The following INPP4B variants were observed in gnomAD, a reference collection of about 807,000 sequenced individuals.
The protein encoded by INPP4B is inositol polyphosphate-4-phosphatase type II B.
INPP4B carries 55 observed loss-of-function variants against 122.5 expected under a neutral mutation model. The observed-to-expected ratio is 0.45, with a 90% CI of 0.36 to 0.56. The LOEUF (loss-of-function observed/expected upper bound fraction) is 0.56. INPP4B is among the 20% of genes least tolerant of loss of function. The probability of loss-of-function intolerance (pLI) is 0.00; values close to 1 mark genes in which losing one functional copy is unlikely to be tolerated. For synonymous variants in INPP4B, 403 were observed against 388.7 expected (o/e 1.04, Z -0.43); for missense variants, 1,000 against 1,097.7 (o/e 0.91, Z 1.26).
chr4:142,412,784 TA>T (rs1021967305), intron 5 of INPP4B, among the ~76,000 whole-genome samples: 2 of 152,206 alleles, frequency 1.3e-5, no homozygotes, highest in African/African-American at 4.8e-5. Context: ...GCCTGCTTTT[TA>T]TAATTTTCCT....
intron 25 of INPP4B, among the ~76,000 whole-genome samples, chr4:142,042,949 G>T (rs2667093): frequency 0.7 from 106,292 of 152,018 alleles, 39,766 homozygotes; most frequent in Non-Finnish European, 0.83. Context: ...TGGATGGAGC[G>T]AACTATGAAC....
At chr4:142,574,327 A>G (rs2150172031) in intron 2 of INPP4B, among the ~76,000 whole-genome samples, 1 of 152,166 alleles carries the variant, frequency 6.6e-6, no homozygotes, top group African/African-American at 2.4e-5. Flanking sequence ...AAAATCTCTG[A>G]CAATCCTCTA....
chr4:142,300,382 G>A (rs1263116688), intron 9 of INPP4B, among the ~76,000 whole-genome samples: 1 of 152,106 alleles, frequency 6.6e-6, no homozygotes, highest in Non-Finnish European at 1.5e-5. Context: ...GAATTTTGTT[G>A]TTGTTGTTGT....
intron 25 of INPP4B, among the ~76,000 whole-genome samples, chr4:142,064,963 CAG>C (rs895675799): frequency 6.6e-6 from 1 of 151,988 alleles, no homozygotes; most frequent in African/African-American, 2.4e-5. Context: ...TGTAAGAAAA[CAG>C]ATATTTTGCA....
intron 1 of INPP4B, among the ~76,000 whole-genome samples, chr4:142,735,355 A>T (rs1766702989): frequency 6.6e-6 from 1 of 152,134 alleles, no homozygotes; most frequent in Non-Finnish European, 1.5e-5. Context: ...TAGTGTCTTA[A>T]ATTTAAGTAT....
At chr4:142,152,228 C>T (rs964112093) in intron 17 of INPP4B, among the ~76,000 whole-genome samples, 17 of 151,798 alleles carry the variant, frequency 1.1e-4, no homozygotes, top group African/African-American at 4.1e-4. Flanking sequence ...GCGCCCACCA[C>T]CACACCCGGC....
chr4:142,451,246 GTT>G (rs758479962), intron 3 of INPP4B, among the ~76,000 whole-genome samples: 12 of 97,722 alleles, frequency 1.2e-4, no homozygotes, highest in East Asian at 3.0e-4. Flanking sequence ...TGTTGCTGTT[GTT>G]TTTTTTTTTT....
intron 5 of INPP4B, among the ~76,000 whole-genome samples, chr4:142,408,413 C>CATG (rs1296933243): frequency 1.5e-4 from 23 of 152,110 alleles, no homozygotes; most frequent in Non-Finnish European, 2.6e-4. Context: ...ATTAGCTGGG[C>CATG]GTGGTGGCAC....
chr4:142,335,132 A>G (rs1776149371), intron 7 of INPP4B, among the ~76,000 whole-genome samples: 1 of 144,082 alleles, frequency 6.9e-6, no homozygotes, highest in African/African-American at 2.5e-5. Context: ...AAAAAAAAAA[A>G]GTCTGAGTAT....
At chr4:142,052,573 T>A (rs948796164) in intron 25 of INPP4B, among the ~76,000 whole-genome samples, 1 of 152,032 alleles carries the variant, frequency 6.6e-6, no homozygotes, top group African/African-American at 2.4e-5. Context: ...TTTTGTATAG[T>A]CATTTTAGAG....
At chr4:142,245,104 T>C (rs1727260359) in intron 11 of INPP4B, among the ~76,000 whole-genome samples, 1 of 152,220 alleles carries the variant, frequency 6.6e-6, no homozygotes, top group Admixed American at 6.5e-5. Context: ...AAGTTCCTTG[T>C]AGATTCTGGA....
intron 1 of INPP4B, among the ~76,000 whole-genome samples, chr4:142,727,353 G>A (rs1325163732): frequency 6.6e-6 from 1 of 152,138 alleles, no homozygotes; most frequent in Admixed American, 6.6e-5. Flanking sequence ...ATCTAATTCA[G>A]AAAACACCTG....
At chr4:142,446,540 C>A (rs931542236) in intron 3 of INPP4B, among the ~76,000 whole-genome samples, 2 of 152,060 alleles carry the variant, frequency 1.3e-5, no homozygotes, top group Admixed American at 6.6e-5. Context: ...TAAACTCTTA[C>A]AAATGCATAT....
chr4:142,281,173 C>T (rs895398686), intron 9 of INPP4B, among the ~76,000 whole-genome samples: 4 of 150,730 alleles, frequency 2.7e-5, no homozygotes, highest in Admixed American at 1.3e-4. Flanking sequence ...ACCTTTTAAA[C>T]ACAGACTATT....
At chr4:142,524,997 T>G (rs2149949939) in intron 2 of INPP4B, among the ~76,000 whole-genome samples, 1 of 152,098 alleles carries the variant, frequency 6.6e-6, no homozygotes, top group East Asian at 1.9e-4. Context: ...CCCCATTGTC[T>G]CAGCCCAAAA....
intron 2 of INPP4B, among the ~76,000 whole-genome samples, chr4:142,527,293 A>T (rs974966377): frequency 3.9e-5 from 6 of 151,916 alleles, no homozygotes; most frequent in African/African-American, 1.4e-4. Flanking sequence ...AATCATATTC[A>T]AATTCATACC....
intron 3 of INPP4B, among the ~76,000 whole-genome samples, chr4:142,432,495 G>A (rs181421237): frequency 1.7e-4 from 26 of 152,142 alleles, no homozygotes; most frequent in Admixed American, 9.8e-4. Flanking sequence ...ATTTCTGGGG[G>A]TAGAAGGCTA....
chr4:142,273,780 A>T (rs1747059769), intron 9 of INPP4B, among the ~76,000 whole-genome samples: 1 of 151,916 alleles, frequency 6.6e-6, no homozygotes, highest in African/African-American at 2.4e-5. Flanking sequence ...TTGGATGGGC[A>T]GCTTTTTTAC....
At position 142,025,916 on chromosome 4, in the gene INPP4B, C is replaced by T. The variant is rs181330592; in HGVS notation, c.*2866G>A. On this transcript the variant is annotated 3_prime_UTR_variant, in exon 26 of 26. Coordinates refer to ENST00000262992, the MANE Select transcript of INPP4B (RefSeq NM_001101669.3). ...GGCAGAGTGTAGACAAACCTCAAGG[C>T]GATATTTAAAAGCAAAAAGCAATGA... 1.3e-3 allele frequency: 197 copies of T among 151,978 alleles called. No individual in the cohort carries two copies. The highest frequency in any genetic ancestry group is 4.5e-3 in the African/African-American group (186 of 41,458). The allele number at this position is 151,978 out of a possible 1,614,324, so 9.4% of individuals were successfully genotyped here.
Sources: gnomAD v4.1 joint callset for allele counts (sites outside exome capture counted in the v4.1 genomes callset) on GRCh38, gnomAD v4.1.1 for gene constraint, MANE v1.5 for transcripts, NCBI Gene and HGNC (gene_info 2026-07-23, HGNC 2026-07-21) for gene names.